Variants in FASTKD1 observed in about 807,000 individuals in gnomAD.
FASTKD1 encodes the protein FAST kinase domains 1.
FASTKD1 carries 94 observed loss-of-function variants against 90.9 expected under a neutral mutation model. The observed-to-expected ratio is 1.03, with a 90% CI of 0.88 to 1.23. The LOEUF is 1.23. Among genes scored for constraint, FASTKD1 ranks in the 50% most tolerant of loss-of-function variants. The probability of loss-of-function intolerance (pLI) is 0.00; values close to 1 mark genes in which losing one functional copy is unlikely to be tolerated. For synonymous variants in FASTKD1, 319 were observed against 345.8 expected (o/e 0.92, Z 0.86); for missense variants, 945 against 993.5 (o/e 0.95, Z 0.66).
intron 12 of FASTKD1, among the ~76,000 whole-genome samples, chr2:169,533,188 C>T (rs1026867756): frequency 2.0e-5 from 3 of 151,966 alleles, no homozygotes; most frequent in Non-Finnish European, 4.4e-5. Flanking sequence ...CTGAACATTT[C>T]TTAAAAGATA....
chr2:169,563,837 G>C (rs1683830025), intron 3 of FASTKD1, among the ~76,000 whole-genome samples: 1 of 152,216 alleles, frequency 6.6e-6, no homozygotes. Context: ...TGTCCATCAA[G>C]AGTACAATGG....
At chr2:169,544,588 CA>C (rs1685101772) in intron 9 of FASTKD1, 132 bp downstream of exon 9, 1 of 639,086 alleles carries the variant, frequency 1.6e-6, no homozygotes, top group Non-Finnish European at 2.8e-6. Flanking sequence ...AACAAACAAA[CA>C]AAAAACCTTT....
chr2:169,553,808 G>A (rs1272731021), intron 7 of FASTKD1, among the ~76,000 whole-genome samples: 1 of 152,122 alleles, frequency 6.6e-6, no homozygotes, highest in Non-Finnish European at 1.5e-5. Flanking sequence ...TGTAGTCCCA[G>A]CTGCTCAGGA....
chr2:169,538,503 C>G (rs1363624077), intron 10 of FASTKD1, among the ~76,000 whole-genome samples: 1 of 151,490 alleles, frequency 6.6e-6, no homozygotes, highest in South Asian at 2.1e-4. Context: ...ATGGAGAAAC[C>G]CCGTCTATAC....
chr2:169,545,183 G>A (rs1008916481), intron 8 of FASTKD1, among the ~76,000 whole-genome samples: 3 of 152,108 alleles, frequency 2.0e-5, no homozygotes, highest in South Asian at 2.1e-4. Context: ...CCAGGAGTTC[G>A]AGATTAGTCA....
intron 3 of FASTKD1, among the ~76,000 whole-genome samples, chr2:169,568,680 AAAAG>A (rs928600169): frequency 2.0e-5 from 3 of 150,662 alleles, no homozygotes; most frequent in African/African-American, 2.4e-5. Flanking sequence ...AGAGAGAAGA[AAAAG>A]AAAGAAAGAA....
intron 4 of FASTKD1, 101 bp downstream of exon 4, chr2:169,563,124 A>AACTTT (rs1683782339): frequency 8.7e-7 from 1 of 1,145,296 alleles, no homozygotes; most frequent in Non-Finnish European, 1.2e-6. Context: ...GAGCTTAAGT[A>AACTTT]ACCTTAAGTC....
chr2:169,532,907 C>T (rs571750364), intron 12 of FASTKD1, among the ~76,000 whole-genome samples: 1 of 152,146 alleles, frequency 6.6e-6, no homozygotes, highest in Admixed American at 6.5e-5. Flanking sequence ...TTATAGTAGG[C>T]CAAATCTAAC....
At chr2:169,572,780 G>A (rs1439644165) in intron 1 of FASTKD1, among the ~76,000 whole-genome samples, 1 of 151,934 alleles carries the variant, frequency 6.6e-6, no homozygotes, top group Non-Finnish European at 1.5e-5. Context: ...ATTAAGTAAT[G>A]TTTCAAGTCA....
intron 2 of FASTKD1, among the ~76,000 whole-genome samples, chr2:169,570,249 T>G (rs1165732188): frequency 6.6e-6 from 1 of 152,236 alleles, no homozygotes; most frequent in Non-Finnish European, 1.5e-5. Context: ...CTTGTACAAC[T>G]GCTGAAGCCT....
chr2:169,551,550 A>C (rs1685489138), intron 7 of FASTKD1, among the ~76,000 whole-genome samples: 1 of 152,168 alleles, frequency 6.6e-6, no homozygotes, highest in Admixed American at 6.6e-5. Context: ...TAACCCCAGC[A>C]CTTCAGGAGG....
chr2:169,538,226 T>G, intron 10 of FASTKD1, 85 bp from the exon 11 acceptor site: 1 of 1,060,036 alleles, frequency 9.4e-7, no homozygotes, highest in Non-Finnish European at 1.4e-6. Context: ...TTATCCCCAC[T>G]ATTAGTAGAT....
At chr2:169,535,464 A>ATTAT (rs139555357) in intron 12 of FASTKD1, among the ~76,000 whole-genome samples, 105,624 of 149,602 alleles carry the variant, frequency 0.71, 37,715 homozygotes, top group East Asian at 0.96. Flanking sequence ...TTATTTATTT[A>ATTAT]TTATTTGTTT....
intron 14 of FASTKD1, 47 bp from the exon 15 acceptor site, chr2:169,529,973 A>G: frequency 7.5e-7 from 1 of 1,335,558 alleles, no homozygotes; most frequent in South Asian, 1.2e-5. Flanking sequence ...AAGCAACAAC[A>G]AAAAACATTG....
chr2:169,531,108 C>T (rs770069278), intron 13 of FASTKD1: 16 of 730,084 alleles, frequency 2.2e-5, no homozygotes, highest in South Asian at 1.8e-4. Flanking sequence ...AAAGAAGATA[C>T]TATTTTACTT....
At chr2:169,544,171 C>T (rs1685079720) in intron 9 of FASTKD1, among the ~76,000 whole-genome samples, 1 of 150,486 alleles carries the variant, frequency 6.6e-6, no homozygotes, top group African/African-American at 2.5e-5. Flanking sequence ...ATAAGGCAAA[C>T]ACTGTAAAAT....
At chr2:169,557,021 A>G (rs1683349154) in intron 6 of FASTKD1, among the ~76,000 whole-genome samples, 166 bp downstream of exon 6, 1 of 152,168 alleles carries the variant, frequency 6.6e-6, no homozygotes, top group Non-Finnish European at 1.5e-5. Context: ...AAACAAAAAA[A>G]AAAAGAAAAG....
chr2:169,572,821 T>C (rs1046882558), intron 1 of FASTKD1, among the ~76,000 whole-genome samples: 1 of 152,112 alleles, frequency 6.6e-6, no homozygotes, highest in Non-Finnish European at 1.5e-5. Context: ...TAAAGATAAT[T>C]ATGAAAAAAG....
rs773505560 is a variant in FASTKD1, at chr2:169,563,291, A to G, written c.506T>C (p.Phe169Ser). The G allele has an allele frequency of 1.2e-6, 2 of 1,612,450 alleles. No homozygotes were observed. Among genetic ancestry groups the G allele is most frequent in the Non-Finnish European group, 1.7e-6 (2 of 1,179,080 alleles). The change falls in exon 4 of 15, where the codon TTT (phenylalanine) becomes TCT (serine). Residue 169 changes from phenylalanine (F) to serine (S), a missense_variant. Transcript: ENST00000453153. ...AGCTATTTTTCCCATTAATGGACTA[A>G]AATACAAATGCTGATCTGCTAGGCA... ...SSCLADQHLY[F>S]SPLMGKIADI...
Sources: gnomAD v4.1 joint callset for allele counts (sites outside exome capture counted in the v4.1 genomes callset) on GRCh38, gnomAD v4.1.1 for gene constraint, MANE v1.5 for transcripts, NCBI Gene and HGNC (gene_info 2026-07-23, HGNC 2026-07-21) for gene names.